WDFY1: variants seen among roughly 807,000 people sequenced by gnomAD.
The protein encoded by WDFY1 is WD repeat and FYVE domain-containing protein 1.
In WDFY1, 32 loss-of-function variants were observed where a neutral mutation model predicts 56.4. That is an observed-to-expected ratio of 0.57 (90% CI 0.43 to 0.76). The LOEUF (loss-of-function observed/expected upper bound fraction) is 0.76. Ranked by LOEUF, WDFY1 falls within the 30% of genes least tolerant of loss-of-function variation. The pLI is 0.00. For missense variants in WDFY1, 480 were observed against 545.7 expected, an observed-to-expected ratio of 0.88 and a Z score of 1.20; for synonymous variants, 192 against 197.3, an observed-to-expected ratio of 0.97 and a Z score of 0.23.
intron 8 of WDFY1, among the ~76,000 whole-genome samples, 172 bp downstream of exon 8, chr2:223,894,062 G>C (rs559243772): frequency 6.6e-6 from 1 of 152,262 alleles, no homozygotes; most frequent in Admixed American, 6.5e-5. Context: ...AGCAGAGGAA[G>C]CAATGCAAAA....
chr2:223,893,347 T>A (rs1365943150), intron 8 of WDFY1, among the ~76,000 whole-genome samples: 3 of 147,458 alleles, frequency 2.0e-5, no homozygotes, highest in Non-Finnish European at 4.5e-5. Context: ...CAAGACCCTG[T>A]CTCTACCAAA....
At chr2:223,935,527 T>C (rs1247450952) in intron 1 of WDFY1, among the ~76,000 whole-genome samples, 1 of 152,238 alleles carries the variant, frequency 6.6e-6, no homozygotes, top group Non-Finnish European at 1.5e-5. Flanking sequence ...TAGAAACAAG[T>C]ATCATTCATT....
At chr2:223,890,584 T>C (rs771459912) in intron 8 of WDFY1, among the ~76,000 whole-genome samples, 2 of 152,212 alleles carry the variant, frequency 1.3e-5, no homozygotes, top group Non-Finnish European at 2.9e-5. Flanking sequence ...TCCTTATACT[T>C]ATTATCTAAG....
rs762663456 is a variant in WDFY1 at position 223,945,195 on chromosome 2, C to A, written c.90G>T (p.Ala30=). The A allele has an allele frequency of 1.0e-5, 16 of 1,598,688 alleles. No individual in the cohort carries two copies. Among genetic ancestry groups the A allele is most frequent in the Non-Finnish European group, 1.3e-5 (15 of 1,175,640 alleles). ...CGCCGTCCTCCTTGGGGATGAGCAG[C>A]GCGGCCGTGACGGCGTCCTGGTGCC... ...IEGHQDAVTA[A]LLIPKEDGVI... is the part of the protein sequence containing the mutation. Residue 30 remains alanine (A), a synonymous_variant, in exon 1 of 12, where the codon GCG becomes GCT. Transcript: ENST00000233055.
At chr2:223,944,291 AGAG>A (rs1273823705) in intron 1 of WDFY1, among the ~76,000 whole-genome samples, 1 of 152,252 alleles carries the variant, frequency 6.6e-6, no homozygotes, top group African/African-American at 2.4e-5. Flanking sequence ...CCACGCTTCC[AGAG>A]GAGACGATTT....
intron 1 of WDFY1, among the ~76,000 whole-genome samples, chr2:223,924,119 G>A (rs948032503): frequency 6.6e-6 from 1 of 152,132 alleles, no homozygotes; most frequent in Non-Finnish European, 1.5e-5. Context: ...ACAATAGTCT[G>A]ATATTTTTCC....
intron 3 of WDFY1, among the ~76,000 whole-genome samples, chr2:223,907,227 T>A (rs560579885): frequency 3.9e-5 from 6 of 152,180 alleles, no homozygotes; most frequent in Admixed American, 2.6e-4. Flanking sequence ...TCCACCCCCC[T>A]TGGCCTCCCA....
chr2:223,901,031 T>C (rs1351928934), intron 5 of WDFY1, 152 bp downstream of exon 5: 33 of 917,484 alleles, frequency 3.6e-5, no homozygotes, highest in Admixed American at 5.6e-5. Flanking sequence ...GCAATTACTT[T>C]CCATGGTAAA....
intron 1 of WDFY1, among the ~76,000 whole-genome samples, chr2:223,942,194 A>G (rs1169812522): frequency 6.6e-6 from 1 of 152,172 alleles, no homozygotes; most frequent in Non-Finnish European, 1.5e-5. Flanking sequence ...ATTCATGAAT[A>G]AAATATTTGA....
rs115926069 is a variant in WDFY1 at position 223,930,355 on chromosome 2, A to G, written c.138-12345T>C. On this transcript the variant is annotated intron_variant, in intron 1 of 11. Coordinates refer to ENST00000233055, the MANE Select transcript of WDFY1 (RefSeq NM_020830.5). ...GAGCCTTGTTTTTGTTTTGAGACGG[A>G]GTCCGGTTCTGTCACCCAGGCTGGA... Among the ~76,000 whole-genome samples, 317 of 152,278 alleles carry G rather than the reference A, an allele frequency of 2.1e-3. 3 individuals carry two copies. The highest frequency in any genetic ancestry group is 7.5e-3 in the African/African-American group (310 of 41,546).
intron 1 of WDFY1, among the ~76,000 whole-genome samples, chr2:223,942,404 G>A (rs913269070): frequency 3.3e-5 from 5 of 151,324 alleles, no homozygotes; most frequent in Admixed American, 6.6e-5. Flanking sequence ...ATTTTTAGTA[G>A]AGACTGGGTT....
At chr2:223,887,087 TAA>T (rs1376127775) in intron 8 of WDFY1, among the ~76,000 whole-genome samples, 3 of 152,298 alleles carry the variant, frequency 2.0e-5, no homozygotes, top group African/African-American at 7.2e-5. Context: ...GAAAGAAGAA[TAA>T]AGAGATGTGT....
intron 1 of WDFY1, among the ~76,000 whole-genome samples, chr2:223,940,820 T>A (rs141714724): frequency 0.015 from 2,288 of 151,746 alleles, 56 homozygotes; most frequent in African/African-American, 0.053. Context: ...TTTTTGTGGG[T>A]TTTTTTGTTT....
chr2:223,906,624 A>G (rs533431842), intron 3 of WDFY1, among the ~76,000 whole-genome samples: 11 of 151,980 alleles, frequency 7.2e-5, no homozygotes, highest in Admixed American at 3.3e-4. Context: ...GGTTCAAGTG[A>G]TTCTCCTGCC....
Position 223,940,572 on chromosome 2 carries a change from T to C in WDFY1, c.137+4576A>G, listed in dbSNP as rs77242088. On this transcript the variant is annotated intron_variant, in intron 1 of 11. Transcript: ENST00000233055. ...TTCTAAATTACAAATTCCGATCATA[T>C]CATTTGCTTGTTTTGAACTCTTTGA... Among the ~76,000 whole-genome samples, 879 of 152,262 alleles carry C rather than the reference T, an allele frequency of 5.8e-3. 10 individuals are homozygous for C. Among genetic ancestry groups the C allele is most frequent in the African/African-American group, 0.02 (820 of 41,560 alleles).
chr2:223,881,356 C>T (rs1412823347), intron 10 of WDFY1, among the ~76,000 whole-genome samples: 1 of 152,204 alleles, frequency 6.6e-6, no homozygotes, highest in Non-Finnish European at 1.5e-5. Flanking sequence ...TGCAGAGGCT[C>T]AGGGTATCCA....
At chr2:223,917,837 G>T in intron 2 of WDFY1, 106 bp downstream of exon 2, 1 of 1,346,298 alleles carries the variant, frequency 7.4e-7, no homozygotes, top group South Asian at 1.3e-5. Context: ...CTCTCAAAGT[G>T]CTGGGATTAC....
At chr2:223,881,458 G>C (rs1693069850) in intron 10 of WDFY1, among the ~76,000 whole-genome samples, 1 of 152,148 alleles carries the variant, frequency 6.6e-6, no homozygotes, top group Non-Finnish European at 1.5e-5. Flanking sequence ...CATAGTCATG[G>C]TCTTAAGTCA....
At chr2:223,895,728 T>C (rs918270224) in intron 6 of WDFY1, 98 bp from the exon 7 acceptor site, 7 of 1,507,450 alleles carry the variant, frequency 4.6e-6, no homozygotes, top group Non-Finnish European at 6.2e-6. Context: ...AAGACCAAAC[T>C]AGGAGCAGCT....
Sources: allele counts gnomAD v4.1 joint callset (sites outside exome capture counted in the v4.1 genomes callset), GRCh38; gene constraint gnomAD v4.1.1; transcripts MANE v1.5; gene names NCBI Gene and HGNC (gene_info 2026-07-23, HGNC 2026-07-21).